Variants in PVT1 observed in about 807,000 individuals in gnomAD.
The protein encoded by PVT1 is Pvt1 oncogene.
At chr8:127,863,607 A>G (rs1216679077) in intron 2 of PVT1, among the ~76,000 whole-genome samples, 1 of 152,156 alleles carries the variant, frequency 6.6e-6, no homozygotes. Context: ...ACCAATTGCA[A>G]TTTCTTACTT....
At chr8:127,938,997 C>CA (rs1231725138) in intron 3 of PVT1, among the ~76,000 whole-genome samples, 1 of 152,220 alleles carries the variant, frequency 6.6e-6, no homozygotes, top group East Asian at 1.9e-4. Context: ...GGTGATATCA[C>CA]AGAAGCCTCA....
In PVT1 at chr8:127,882,235, C is replaced by A. The variant is rs956383790; in HGVS notation, n.373-8354C>A. Among the ~76,000 whole-genome samples the A allele has an allele frequency of 3.9e-5, 6 of 152,250 alleles. No homozygotes were observed. In the East Asian group the frequency reaches 1.2e-3, roughly 30 times the overall value. ...CGAAGGCTTGGGAATTCCAAAGCAG[C>A]TGATCCATGTCATCCCAGCACACGT... On this transcript the variant is annotated intron_variant and non_coding_transcript_variant, in intron 2 of 10. Transcript: ENST00000651587.
In PVT1 at chr8:127,825,373, A is replaced by G. The variant is rs531442927; in HGVS notation, n.372+29302A>G. Among the ~76,000 whole-genome samples the G allele has an allele frequency of 8.5e-4, 129 of 152,228 alleles. 1 individual carries two copies. Among genetic ancestry groups the G allele is most frequent in the African/African-American group, 3.0e-3 (125 of 41,538 alleles). ...AATTACACCAAATATTTTTTCCTCC[A>G]TGGAGTTGCTTTCTCATGAAATTGG... On this transcript the variant is annotated intron_variant and non_coding_transcript_variant, in intron 2 of 10. Transcript: ENST00000651587.
At chr8:127,800,800 G>A (rs2130188721) in intron 2 of PVT1, among the ~76,000 whole-genome samples, 1 of 152,302 alleles carries the variant, frequency 6.6e-6, no homozygotes, top group South Asian at 2.1e-4. Flanking sequence ...TAGAGCTTAG[G>A]TTACAGCTGG....
chr8:128,097,194 C>G (rs1481885596), intron 6 of PVT1, among the ~76,000 whole-genome samples: 1 of 152,198 alleles, frequency 6.6e-6, no homozygotes, highest in Admixed American at 6.5e-5. Flanking sequence ...AACCCCATCT[C>G]TACTAAAAAT....
At chr8:127,946,737 A>G (rs1816425202) in intron 3 of PVT1, 1 of 154,266 alleles carries the variant, frequency 6.5e-6, no homozygotes. Context: ...GTTTGGGAAC[A>G]ATGCCTTTCT....
intron 2 of PVT1, among the ~76,000 whole-genome samples, chr8:127,877,882 C>T (rs1184237025): frequency 2.0e-5 from 3 of 152,036 alleles, no homozygotes; most frequent in Admixed American, 6.5e-5. Flanking sequence ...GCCATGATCA[C>T]GCCACTGCAC....
intron 4 of PVT1, among the ~76,000 whole-genome samples, chr8:128,067,938 A>T (rs891781908): frequency 7.1e-6 from 1 of 140,062 alleles, no homozygotes; most frequent in African/African-American, 2.6e-5. Context: ...CTATTCTTGG[A>T]CTAACATACT....
intron 2 of PVT1, among the ~76,000 whole-genome samples, chr8:127,855,490 G>C (rs188866628): frequency 3.5e-4 from 53 of 152,290 alleles, no homozygotes; most frequent in East Asian, 2.3e-3. Context: ...GGTGGCTTTG[G>C]GGGGGACATT....
At chr8:127,925,818 T>C (rs1348807447) in intron 3 of PVT1, among the ~76,000 whole-genome samples, 1 of 152,078 alleles carries the variant, frequency 6.6e-6, no homozygotes. Context: ...ATTTTGTATT[T>C]TTAGTAGAGA....
At chr8:128,032,227 G>A (rs952978640) in intron 4 of PVT1, among the ~76,000 whole-genome samples, 3 of 152,114 alleles carry the variant, frequency 2.0e-5, no homozygotes, top group East Asian at 1.9e-4. Context: ...GTGTAGAAAC[G>A]GTCGCAGCCC....
intron 2 of PVT1, among the ~76,000 whole-genome samples, chr8:127,817,528 A>T (rs376007984): frequency 5.8e-5 from 4 of 68,700 alleles, no homozygotes; most frequent in East Asian, 3.7e-4. Flanking sequence ...TATCTATTTA[A>T]ATATATATAT....
intron 2 of PVT1, among the ~76,000 whole-genome samples, chr8:127,850,220 G>A (rs1053870195): frequency 6.6e-6 from 1 of 152,156 alleles, no homozygotes; most frequent in South Asian, 2.1e-4. Context: ...GGGCAGTTAG[G>A]CAAAGGTGTG....
intron 2 of PVT1, among the ~76,000 whole-genome samples, chr8:127,817,374 AATAT>A (rs199893256): frequency 1.9e-5 from 2 of 105,778 alleles, no homozygotes; most frequent in Non-Finnish European, 1.9e-5. Flanking sequence ...TATCTATTTA[AATAT>A]ATATATCTAT....
chr8:127,936,785 C>T (rs756447643), intron 3 of PVT1, among the ~76,000 whole-genome samples: 6 of 152,132 alleles, frequency 3.9e-5, no homozygotes, highest in Non-Finnish European at 4.4e-5. Flanking sequence ...GGTCTTTGCT[C>T]TAAACTCTTC....
At position 127,813,225 on chromosome 8, in the gene PVT1, TATATACAAATATATA is replaced by T. The variant is rs1426567619; in HGVS notation, n.372+17170_372+17184del. Among the ~76,000 whole-genome samples the T allele has an allele frequency of 3.4e-3, 497 of 145,940 alleles. 12 individuals are homozygous for T. Among genetic ancestry groups the T allele is most frequent in the Admixed American group, 0.029 (419 of 14,380 alleles). On this transcript the variant is annotated intron_variant and non_coding_transcript_variant, in intron 2 of 10. Coordinates refer to ENST00000651587, the Ensembl canonical transcript of PVT1. ...ATAATATACAAATATATATATATAA[TATATACAAATATATA>T]ATATACAAATATATATAATATATAC...
chr8:127,970,299 T>TGTTTG (rs1563653363), intron 3 of PVT1, among the ~76,000 whole-genome samples: 5 of 122,346 alleles, frequency 4.1e-5, no homozygotes, highest in African/African-American at 1.5e-4. Context: ...GTTTTTTTTT[T>TGTTTG]TTTTTTTTTT....
intron 2 of PVT1, among the ~76,000 whole-genome samples, chr8:127,851,361 G>T (rs1225383369): frequency 6.6e-6 from 1 of 152,190 alleles, no homozygotes; most frequent in African/African-American, 2.4e-5. Context: ...AGAGAATCTT[G>T]AGTTTCTAAT....
chr8:127,829,479 G>A (rs895539745), intron 2 of PVT1, among the ~76,000 whole-genome samples: 6 of 152,146 alleles, frequency 3.9e-5, no homozygotes, highest in African/African-American at 1.2e-4. Context: ...GAGCGTCAGA[G>A]GTACTTTAAG....
Sources: allele counts gnomAD v4.1 joint callset (sites outside exome capture counted in the v4.1 genomes callset), GRCh38; gene constraint gnomAD v4.1.1; transcripts MANE v1.5; gene names NCBI Gene and HGNC (gene_info 2026-07-23, HGNC 2026-07-21).